The following TMTC4 variants were observed in gnomAD, a reference collection of about 807,000 sequenced individuals.
TMTC4 encodes transmembrane O-mannosyltransferase targeting cadherins 4, also known as protein O-mannosyl-transferase TMTC4.
TMTC4 carries 65 observed loss-of-function variants against 86.0 expected under a neutral mutation model. The observed-to-expected ratio is 0.76, with a 90% CI of 0.62 to 0.93. TMTC4 has a LOEUF of 0.93. Among genes scored for constraint, TMTC4 ranks in the 40% least tolerant of loss-of-function variants. The pLI is 0.00. For synonymous variants in TMTC4, 379 were observed against 382.5 expected, an observed-to-expected ratio of 0.99 and a Z score of 0.11; for missense variants, 866 against 948.1, an observed-to-expected ratio of 0.91 and a Z score of 1.14.
chr13:100,667,837 G>A (rs1386588588), intron 3 of TMTC4, among the ~76,000 whole-genome samples: 1 of 152,174 alleles, frequency 6.6e-6, no homozygotes, highest in African/African-American at 2.4e-5. Context: ...GGCCTTGCCT[G>A]CCTCTGCATT....
intron 15 of TMTC4, among the ~76,000 whole-genome samples, chr13:100,622,015 G>A (rs182451988): frequency 2.0e-5 from 3 of 152,092 alleles, no homozygotes; most frequent in South Asian, 2.1e-4. Flanking sequence ...ACAAACAGCC[G>A]ATCATTATAA....
At chr13:100,672,687 T>TGGGCAA (rs1887279032) in intron 1 of TMTC4, among the ~76,000 whole-genome samples, 1 of 152,188 alleles carries the variant, frequency 6.6e-6, no homozygotes, top group Non-Finnish European at 1.5e-5. Flanking sequence ...AGACAGGGTC[T>TGGGCAA]CACTATGTTG....
At chr13:100,650,974 C>T (rs1159717026) in intron 6 of TMTC4, among the ~76,000 whole-genome samples, 1 of 152,186 alleles carries the variant, frequency 6.6e-6, no homozygotes, top group Non-Finnish European at 1.5e-5. Context: ...GTGAACTATA[C>T]AGCTATAGAA....
At chr13:100,633,812 G>C (rs570511848) in intron 12 of TMTC4, among the ~76,000 whole-genome samples, 1 of 151,428 alleles carries the variant, frequency 6.6e-6, no homozygotes, top group East Asian at 1.9e-4. Flanking sequence ...TAACACAATG[G>C]TAAGGATTTG....
At chr13:100,650,910 ATATCCCAAGAGCAAGATT>A (rs1467122499) in intron 6 of TMTC4, among the ~76,000 whole-genome samples, 6 of 152,264 alleles carry the variant, frequency 3.9e-5, no homozygotes. Context: ...TGAGGCAATG[ATATCCCAAGAGCAAGATT>A]TATCCCATTT....
Position 100,635,260 on chromosome 13 carries a change from C to G in TMTC4, c.1203-65G>C, listed in dbSNP as rs1594297611. ...GACTTCTCAAGAAAAACATCCTACT[C>G]CACATTAAATTAATGCTAAAGACCT... On this transcript the variant is annotated intron_variant, in intron 10 of 18. Coordinates refer to ENST00000342624, the MANE Select transcript of TMTC4 (RefSeq NM_032813.5). 17 of 1,429,770 alleles carry G rather than the reference C, an allele frequency of 1.2e-5. No individual in the cohort carries two copies. The South Asian group carries it at 1.8e-4, about 15-fold the overall frequency. The allele number at this position is 1,429,770 out of a possible 1,614,324, so 88.6% of individuals were successfully genotyped here. A position where few individuals can be genotyped will look rare whatever the true frequency, so the allele number is the denominator to read the frequency against.
At chr13:100,644,245 A>T (rs1419640049) in intron 6 of TMTC4, among the ~76,000 whole-genome samples, 3 of 151,736 alleles carry the variant, frequency 2.0e-5, no homozygotes, top group African/African-American at 4.8e-5. Context: ...CTGGGACTAC[A>T]GGCGCCCGCC....
In TMTC4 at chr13:100,604,883, T is replaced by G; in HGVS notation, c.*111A>C. ...ATGTCTTTGTTTTCATAGAAAAAAATCAGTAAAATAACATGTCTAAGACTT... is the reference window on the plus strand; with the variant it reads ...ATGTCTTTGTTTTCATAGAAAAAAAGCAGTAAAATAACATGTCTAAGACTT... On this transcript the variant is annotated 3_prime_UTR_variant, in exon 19 of 19. Coordinates refer to ENST00000342624, the MANE Select transcript of TMTC4 (RefSeq NM_032813.5). 4.8e-6 allele frequency: 6 copies of G among 1,253,294 alleles called. No homozygotes were observed. The highest frequency in any genetic ancestry group is 6.3e-6 in the Non-Finnish European group (6 of 950,086). The allele number at this position is 1,253,294 out of a possible 1,614,324, so 77.6% of individuals were successfully genotyped here.
intron 17 of TMTC4, among the ~76,000 whole-genome samples, chr13:100,607,063 T>C (rs1876739387): frequency 6.6e-6 from 1 of 152,212 alleles, no homozygotes; most frequent in Non-Finnish European, 1.5e-5. Context: ...CAGGGCAAAG[T>C]GTCTTCCTAC....
At chr13:100,643,179 C>T (rs1044595727) in intron 6 of TMTC4, among the ~76,000 whole-genome samples, 4 of 152,220 alleles carry the variant, frequency 2.6e-5, no homozygotes, top group Admixed American at 2.0e-4. Flanking sequence ...GAAGTCCCCA[C>T]TCTTCATCTA....
intron 1 of TMTC4, among the ~76,000 whole-genome samples, chr13:100,673,574 C>G (rs988514020): frequency 6.6e-6 from 1 of 152,196 alleles, no homozygotes; most frequent in African/African-American, 2.4e-5. Context: ...AAGGCAGGGG[C>G]GCGAGCCACC....
rs1362640069 is a variant in TMTC4 at position 100,605,911 on chromosome 13, T to G, written c.2134+447A>C. Reference sequence around the variant, plus strand: ...TAGGGAATAAATGATTATAAATGCATTTTAGCCAAGGCATAAGAGGATATA... The same window carrying G: ...TAGGGAATAAATGATTATAAATGCAGTTTAGCCAAGGCATAAGAGGATATA... On this transcript the variant is annotated intron_variant, in intron 18 of 18. Transcript: ENST00000342624. This position sits in a 1 kb window ranked among gnomAD's most constrained non-coding sequence, Gnocchi z 4.3. Among the ~76,000 whole-genome samples the G allele has an allele frequency of 6.6e-6, 1 of 152,158 alleles. No homozygotes were observed. The highest frequency in any genetic ancestry group is 1.5e-5 in the Non-Finnish European group (1 of 68,016).
chr13:100,627,463 CCT>C (rs1257953875), intron 12 of TMTC4, among the ~76,000 whole-genome samples: 2 of 152,120 alleles, frequency 1.3e-5, no homozygotes, highest in Non-Finnish European at 2.9e-5. Context: ...CTGCTCCCTG[CCT>C]CTCTCCTGTC....
intron 5 of TMTC4, 50 bp from the exon 6 acceptor site, chr13:100,656,518 A>G (rs763182247): frequency 1.5e-6 from 2 of 1,341,480 alleles, no homozygotes; most frequent in Admixed American, 2.3e-5. Flanking sequence ...ACATTTAAGG[A>G]AATCCTAAAC....
At chr13:100,616,235 G>A (rs1878468780) in intron 15 of TMTC4, among the ~76,000 whole-genome samples, 1 of 151,804 alleles carries the variant, frequency 6.6e-6, no homozygotes, top group East Asian at 1.9e-4. Context: ...ATGCAGTCTT[G>A]CTCTGTCACC....
At chr13:100,636,291 G>A (rs545250960) in intron 10 of TMTC4, among the ~76,000 whole-genome samples, 74 of 152,304 alleles carry the variant, frequency 4.9e-4, no homozygotes, top group South Asian at 2.3e-3. Context: ...TACTTCCTAG[G>A]GAAAGGGGAA....
chr13:100,674,386 C>A, intron 1 of TMTC4: 1 of 953,464 alleles, frequency 1.0e-6, no homozygotes, highest in Non-Finnish European at 1.2e-6. Context: ...GCGCCGCAGG[C>A]GCCGGGTGCG....
At chr13:100,610,241 G>A (rs139108561) in intron 17 of TMTC4, among the ~76,000 whole-genome samples, 72 of 152,254 alleles carry the variant, frequency 4.7e-4, no homozygotes, top group Non-Finnish European at 7.1e-4. Flanking sequence ...CCAGCCCTGC[G>A]ACTCACCACA....
chr13:100,666,037 C>T (rs769243752), intron 3 of TMTC4: 2 of 456,678 alleles, frequency 4.4e-6, no homozygotes, highest in Non-Finnish European at 8.8e-6. Context: ...CTTTTCCTCC[C>T]TTTGAACAGG....
Sources: allele counts gnomAD v4.1 joint callset (sites outside exome capture counted in the v4.1 genomes callset), GRCh38; gene constraint gnomAD v4.1.1; non-coding constraint Gnocchi (gnomAD v3.1); transcripts MANE v1.5; gene names NCBI Gene and HGNC (gene_info 2026-07-23, HGNC 2026-07-21).